The following MBD5 variants were observed in gnomAD, a reference collection of about 807,000 sequenced individuals.
MBD5 encodes methyl-CpG-binding domain protein 5.
Under a neutral mutation model 117.3 loss-of-function variants are expected in MBD5, and 13 were observed. The observed-to-expected ratio is 0.11, with a 90% confidence interval of 0.07 to 0.18. MBD5 has a LOEUF of 0.18. MBD5 is among the 10% of genes least tolerant of loss of function. The pLI is 1.00. For missense variants in MBD5, 1,879 were observed against 2,093.8 expected, an observed-to-expected ratio of 0.90 and a Z score of 2.00; for synonymous variants, 727 against 766.4, an observed-to-expected ratio of 0.95 and a Z score of 0.85.
chr2:148,303,221 G>A (rs891698241), intron 3 of MBD5, among the ~76,000 whole-genome samples: 8 of 152,110 alleles, frequency 5.3e-5, no homozygotes, highest in East Asian at 1.9e-4. Flanking sequence ...TTGGTGTTTC[G>A]TTAATTAGTA....
At position 148,423,138 on chromosome 2, in the gene MBD5, C is replaced by A. The variant is rs186022302; in HGVS notation, c.-556-35065C>A. Among the ~76,000 whole-genome samples the A allele has an allele frequency of 3.5e-3, 531 of 152,160 alleles. 5 individuals carry two copies. The highest frequency in any genetic ancestry group is 0.013 in the African/African-American group (520 of 41,514). ...CCAAGACACATAATTGTCAGATTCACCAAGGTTGAAATGATGGAAAAAATA... is the reference window on the plus strand; with the variant it reads ...CCAAGACACATAATTGTCAGATTCAACAAGGTTGAAATGATGGAAAAAATA... On this transcript the variant is annotated intron_variant, in intron 4 of 13. Transcript: ENST00000642680.
At chr2:148,166,665 G>A (rs1256286184) in intron 1 of MBD5, among the ~76,000 whole-genome samples, 1 of 152,108 alleles carries the variant, frequency 6.6e-6, no homozygotes, top group Non-Finnish European at 1.5e-5. Context: ...ATTTTCACAT[G>A]AGGGTACTTC....
chr2:148,229,320 A>C (rs1261362772), intron 2 of MBD5, among the ~76,000 whole-genome samples: 1 of 152,034 alleles, frequency 6.6e-6, no homozygotes, highest in Non-Finnish European at 1.5e-5. Flanking sequence ...TTTCAGCTCC[A>C]GAATTTCTGC....
rs542214920 is a variant in MBD5, at chr2:148,341,929, A to T, written c.-679-285A>T. Among the ~76,000 whole-genome samples, 343 of 152,166 alleles carry T rather than the reference A, an allele frequency of 2.3e-3. 2 individuals carry two copies. The highest frequency in any genetic ancestry group is 3.7e-3 in the Admixed American group (56 of 15,242). On this transcript the variant is annotated intron_variant, in intron 3 of 13. Transcript: ENST00000642680. ...TGTCTGGGTAGATAGTAGATATACA[A>T]AATTATACTACTATTTTTATCAATA...
intron 4 of MBD5, among the ~76,000 whole-genome samples, chr2:148,390,565 A>G (rs6725339): frequency 0.11 from 1,676 of 15,134 alleles, 24 homozygotes; most frequent in African/African-American, 0.34. Flanking sequence ...GTATGTGTGT[A>G]TATATATATA....
At chr2:148,257,789 C>T (rs536823880) in intron 3 of MBD5, among the ~76,000 whole-genome samples, 9 of 152,258 alleles carry the variant, frequency 5.9e-5, no homozygotes, top group East Asian at 1.9e-4. Context: ...CATGTGAAGG[C>T]GAACTGTTCC....
intron 4 of MBD5, among the ~76,000 whole-genome samples, chr2:148,343,141 T>C (rs1428716885): frequency 1.3e-5 from 2 of 152,118 alleles, no homozygotes; most frequent in Non-Finnish European, 2.9e-5. Flanking sequence ...TATTCCATGG[T>C]GTATATGTAC....
chr2:148,484,717 G>A (rs915921431), intron 9 of MBD5, among the ~76,000 whole-genome samples: 1 of 152,068 alleles, frequency 6.6e-6, no homozygotes. Flanking sequence ...TTAATTTTTT[G>A]ACTTTTGTGG....
chr2:148,172,341 A>C (rs1354017358), intron 1 of MBD5, among the ~76,000 whole-genome samples: 1 of 152,166 alleles, frequency 6.6e-6, no homozygotes, highest in Non-Finnish European at 1.5e-5. Flanking sequence ...CTCCCATTTC[A>C]GAGCAAGGTT....
chr2:148,273,720 T>C (rs1452127396), intron 3 of MBD5, among the ~76,000 whole-genome samples: 1 of 152,214 alleles, frequency 6.6e-6, no homozygotes, highest in Non-Finnish European at 1.5e-5. Flanking sequence ...TTGACAATTA[T>C]CTCCTGTCTT....
intron 3 of MBD5, chr2:148,260,709 A>G (rs973591572): frequency 5.0e-6 from 1 of 198,742 alleles, no homozygotes. Context: ...GTCAGAGATA[A>G]TGAATATTCC....
At chr2:148,356,900 T>TTTTC (rs1703394712) in intron 4 of MBD5, among the ~76,000 whole-genome samples, 1 of 151,320 alleles carries the variant, frequency 6.6e-6, no homozygotes. Flanking sequence ...TTTTCTTTTC[T>TTTTC]TTTTTTTTAA....
chr2:148,124,112 C>G (rs1338123348), intron 1 of MBD5, among the ~76,000 whole-genome samples: 1 of 152,040 alleles, frequency 6.6e-6, no homozygotes, highest in Non-Finnish European at 1.5e-5. Context: ...AACCCTGTCT[C>G]TACTAAAAAA....
At chr2:148,460,743 G>C (rs976705334) in intron 5 of MBD5, among the ~76,000 whole-genome samples, 2 of 152,178 alleles carry the variant, frequency 1.3e-5, no homozygotes, top group African/African-American at 2.4e-5. Context: ...CTGACTTTTT[G>C]AGAGGAAATG....
At chr2:148,189,258 G>T (rs1295202295) in intron 2 of MBD5, among the ~76,000 whole-genome samples, 1 of 147,658 alleles carries the variant, frequency 6.8e-6, no homozygotes, top group Admixed American at 6.7e-5. Context: ...GCCCACCACA[G>T]CTCAAGGAGG....
intron 1 of MBD5, among the ~76,000 whole-genome samples, chr2:148,095,575 A>G (rs1016478678): frequency 6.6e-6 from 1 of 152,178 alleles, no homozygotes; most frequent in African/African-American, 2.4e-5. Flanking sequence ...CTCTTATAAA[A>G]GGTGGAAACA....
intron 1 of MBD5, among the ~76,000 whole-genome samples, chr2:148,123,969 A>T (rs1422702702): frequency 6.6e-6 from 1 of 152,206 alleles, no homozygotes; most frequent in Non-Finnish European, 1.5e-5. Flanking sequence ...TAATTTCAAG[A>T]ACATCTCATT....
chr2:148,149,999 A>T (rs7419351), intron 1 of MBD5, among the ~76,000 whole-genome samples: 50,243 of 129,002 alleles, frequency 0.39, 9,549 homozygotes, highest in South Asian at 0.48. Flanking sequence ...GGTGTTTTAG[A>T]CATGAAGTCC....
chr2:148,286,948 T>G (rs928224161), intron 3 of MBD5, among the ~76,000 whole-genome samples: 4 of 152,230 alleles, frequency 2.6e-5, no homozygotes, highest in African/African-American at 7.2e-5. Flanking sequence ...CATTTTAATT[T>G]TCATTTTTGT....
Sources: allele counts gnomAD v4.1 joint callset (sites outside exome capture counted in the v4.1 genomes callset), GRCh38; gene constraint gnomAD v4.1.1; transcripts MANE v1.5; gene names NCBI Gene and HGNC (gene_info 2026-07-23, HGNC 2026-07-21).